The following ZFHX3 variants were observed in gnomAD, a reference collection of about 807,000 sequenced individuals.
ZFHX3 encodes the protein zinc finger homeobox protein 3.
ZFHX3 carries 42 observed loss-of-function variants against 279.1 expected under a neutral mutation model. The observed-to-expected ratio is 0.15, with a 90% confidence interval of 0.12 to 0.19. The LOEUF (loss-of-function observed/expected upper bound fraction) is 0.19. Among genes scored for constraint, ZFHX3 ranks in the 10% least tolerant of loss-of-function variants. ZFHX3 has a pLI of 1.00. For missense variants in ZFHX3, 4,981 were observed against 4,754.0 expected (o/e 1.05, Z -1.40); for synonymous variants, 2,293 against 1,957.8 (o/e 1.17, Z -4.52).
At chr16:73,179,432 T>A (rs1294501819) in intron 5 of ZFHX3, among the ~76,000 whole-genome samples, 1 of 152,160 alleles carries the variant, frequency 6.6e-6, no homozygotes, top group Non-Finnish European at 1.5e-5. Flanking sequence ...ATGAACAGTT[T>A]TGGTCAAAGG....
intron 4 of ZFHX3, among the ~76,000 whole-genome samples, chr16:73,269,276 T>C (rs1009568195): frequency 6.6e-6 from 1 of 152,304 alleles, no homozygotes; most frequent in East Asian, 1.9e-4. Context: ...CAGGGAGCCA[T>C]TGGATGGTTC....
At chr16:73,054,002 C>G (rs1282448886) in intron 1 of ZFHX3, among the ~76,000 whole-genome samples, 1 of 142,376 alleles carries the variant, frequency 7.0e-6, no homozygotes, top group Non-Finnish European at 1.5e-5. Flanking sequence ...AAACGCATGA[C>G]AGTTACCATG....
At chr16:73,836,497 A>C (rs1961148308) in intron 1 of ZFHX3, among the ~76,000 whole-genome samples, 1 of 152,248 alleles carries the variant, frequency 6.6e-6, no homozygotes, top group African/African-American at 2.4e-5. Flanking sequence ...TAAGAATAAC[A>C]ATCCTCAAAT....
At chr16:72,918,294 C>G (rs1267591888) in intron 3 of ZFHX3, among the ~76,000 whole-genome samples, 1 of 152,096 alleles carries the variant, frequency 6.6e-6, no homozygotes, top group African/African-American at 2.4e-5. Flanking sequence ...GATTTGCATT[C>G]AGGAGGATGG....
At chr16:72,905,188 T>C (rs2039138625) in intron 3 of ZFHX3, among the ~76,000 whole-genome samples, 1 of 152,186 alleles carries the variant, frequency 6.6e-6, no homozygotes, top group South Asian at 2.1e-4. Flanking sequence ...GGGCTCTCTG[T>C]CCCTCAATGA....
At chr16:72,852,531 A>G (rs1384881052) in intron 4 of ZFHX3, among the ~76,000 whole-genome samples, 4 of 152,242 alleles carry the variant, frequency 2.6e-5, no homozygotes, top group Non-Finnish European at 5.9e-5. Context: ...CAGGCACAAA[A>G]AAGATAATGT....
intron 1 of ZFHX3, among the ~76,000 whole-genome samples, chr16:73,720,327 T>C (rs2053462479): frequency 6.6e-6 from 1 of 152,174 alleles, no homozygotes; most frequent in Non-Finnish European, 1.5e-5. Flanking sequence ...AGGGAATTGA[T>C]CATAAACATC....
chr16:73,323,059 T>C (rs2015610209), intron 3 of ZFHX3, among the ~76,000 whole-genome samples: 1 of 152,212 alleles, frequency 6.6e-6, no homozygotes, highest in Non-Finnish European at 1.5e-5. Context: ...AAATATTTAC[T>C]CTCTGGCCTT....
At chr16:73,870,848 A>C (rs1962144243) in intron 1 of ZFHX3, among the ~76,000 whole-genome samples, 1 of 151,848 alleles carries the variant, frequency 6.6e-6, no homozygotes, top group Non-Finnish European at 1.5e-5. Flanking sequence ...ACACATAAAT[A>C]CCTCCCCACT....
At chr16:73,196,719 A>AT (rs1360197607) in intron 5 of ZFHX3, among the ~76,000 whole-genome samples, 1 of 152,228 alleles carries the variant, frequency 6.6e-6, no homozygotes, top group Non-Finnish European at 1.5e-5. Context: ...AATGACATCT[A>AT]GCCCAAATAA....
At chr16:73,134,729 T>C (rs191020075) in intron 6 of ZFHX3, 52 of 152,188 alleles carry the variant, frequency 3.4e-4, no homozygotes, top group Admixed American at 3.2e-3. Context: ...TACCCTTCCT[T>C]ATGGGAGGAT....
chr16:73,427,510 G>T (rs1597331575), intron 3 of ZFHX3, among the ~76,000 whole-genome samples: 1 of 152,080 alleles, frequency 6.6e-6, no homozygotes, highest in East Asian at 1.9e-4. Flanking sequence ...CTTGCAAAAG[G>T]CCATGCTCAT....
chr16:73,459,271 C>T (rs1051173179), intron 2 of ZFHX3, among the ~76,000 whole-genome samples: 6 of 152,192 alleles, frequency 3.9e-5, no homozygotes, highest in Admixed American at 3.3e-4. Flanking sequence ...GTATCATTTG[C>T]CATTTCCTCT....
intron 5 of ZFHX3, among the ~76,000 whole-genome samples, chr16:73,225,257 G>A (rs944823183): frequency 6.6e-6 from 1 of 152,112 alleles, no homozygotes; most frequent in Non-Finnish European, 1.5e-5. Flanking sequence ...GTCTACAATA[G>A]AGAGTAAACA....
chr16:73,728,550 C>T (rs1567563507), intron 1 of ZFHX3, among the ~76,000 whole-genome samples: 1 of 151,970 alleles, frequency 6.6e-6, no homozygotes, highest in South Asian at 2.1e-4. Context: ...ATGTGTAGCC[C>T]GCAACTCAGT....
chr16:73,837,991 A>T (rs1300853062), intron 1 of ZFHX3, among the ~76,000 whole-genome samples: 1 of 152,236 alleles, frequency 6.6e-6, no homozygotes, highest in South Asian at 2.1e-4. Flanking sequence ...TAGGGATAGA[A>T]GATTGTCCAT....
chr16:73,057,094 T>C (rs2144736103), intron 1 of ZFHX3, among the ~76,000 whole-genome samples: 1 of 152,254 alleles, frequency 6.6e-6, no homozygotes, highest in East Asian at 1.9e-4. Context: ...GCATGCTCCG[T>C]CCATACAGTG....
At chr16:73,719,646 T>C (rs1231721747) in intron 1 of ZFHX3, among the ~76,000 whole-genome samples, 1 of 152,164 alleles carries the variant, frequency 6.6e-6, no homozygotes, top group Non-Finnish European at 1.5e-5. Context: ...TATTTTTTTA[T>C]TTTTTTATTT....
chr16:73,731,500 C>G (rs2053569460), intron 1 of ZFHX3, among the ~76,000 whole-genome samples: 1 of 151,580 alleles, frequency 6.6e-6, no homozygotes, highest in Non-Finnish European at 1.5e-5. Context: ...AAGAAAATCT[C>G]TAATTTAATA....
Sources: allele counts gnomAD v4.1 joint callset (sites outside exome capture counted in the v4.1 genomes callset), GRCh38; gene constraint gnomAD v4.1.1; transcripts MANE v1.5; gene names NCBI Gene and HGNC (gene_info 2026-07-23, HGNC 2026-07-21).